Variants in ARFGEF2 observed in about 807,000 individuals in gnomAD.
ARFGEF2 encodes the protein brefeldin A-inhibited guanine nucleotide-exchange protein 2.
A neutral mutation model predicts 219.9 loss-of-function variants in ARFGEF2; 74 were observed. The ratio of observed to expected loss-of-function variants is 0.34; its 90% confidence interval spans 0.28 to 0.41. The LOEUF (loss-of-function observed/expected upper bound fraction) is 0.41, where lower values mean the gene tolerates loss of function less well. Ranked by LOEUF, ARFGEF2 falls within the 10% of genes least tolerant of loss-of-function variation. ARFGEF2 has a pLI of 1.00. For synonymous variants in ARFGEF2, 733 were observed against 799.2 expected (o/e 0.92, Z 1.40); for missense variants, 1,743 against 2,218.3 (o/e 0.79, Z 4.30).
chr20:49,021,429 C>T (rs992967910), intron 34 of ARFGEF2, among the ~76,000 whole-genome samples: 2 of 152,124 alleles, frequency 1.3e-5, no homozygotes, highest in Non-Finnish European at 2.9e-5. Context: ...CCAGTGAACA[C>T]TTATGATGTA....
intron 1 of ARFGEF2, among the ~76,000 whole-genome samples, chr20:48,934,422 G>C (rs968529483): frequency 6.6e-6 from 1 of 152,162 alleles, no homozygotes; most frequent in Non-Finnish European, 1.5e-5. Context: ...TGCCATGGTG[G>C]TTTGCTGCAC....
chr20:49,006,378 A>G (rs1395270424), intron 26 of ARFGEF2, among the ~76,000 whole-genome samples: 8 of 152,220 alleles, frequency 5.3e-5, no homozygotes, highest in Non-Finnish European at 1.2e-4. Flanking sequence ...TGATGGGCAT[A>G]CAGGAGTTCA....
chr20:48,946,490 TA>T (rs1287127870), intron 3 of ARFGEF2, among the ~76,000 whole-genome samples: 27 of 149,186 alleles, frequency 1.8e-4, no homozygotes, highest in African/African-American at 5.8e-4. Context: ...TATATATATA[TA>T]TATATTTTTA....
In ARFGEF2 at chr20:48,952,260, G is replaced by A. The variant is rs527942843; in HGVS notation, c.424-445G>A. 9.7e-5 allele frequency among the ~76,000 whole-genome samples: 14 copies of A among 144,460 alleles called. No individual in the cohort carries two copies. In the South Asian group the frequency reaches 3.1e-3, roughly 32 times the overall value. The allele number at this position is 144,460 out of a possible 152,430, so 94.8% of individuals were successfully genotyped here. ...AAACTCCACCTCACAGGTTCAAGCA[G>A]TTCTTGTTCCTCATCCTCCCGAGTA... On this transcript the variant is annotated intron_variant, in intron 4 of 38. Transcript: ENST00000371917.
chr20:48,941,543 A>G (rs1774706557), intron 2 of ARFGEF2, among the ~76,000 whole-genome samples: 1 of 152,194 alleles, frequency 6.6e-6, no homozygotes, highest in Non-Finnish European at 1.5e-5. Context: ...GCATGAGGAC[A>G]GCTTGCACCA....
chr20:49,006,150 C>T (rs941106997), intron 26 of ARFGEF2, among the ~76,000 whole-genome samples: 18 of 152,014 alleles, frequency 1.2e-4, no homozygotes, highest in African/African-American at 4.1e-4. Context: ...AAAAGTTAGC[C>T]GGGCGTGGTG....
intron 14 of ARFGEF2, among the ~76,000 whole-genome samples, chr20:48,980,048 T>C (rs568874893): frequency 6.6e-6 from 1 of 152,308 alleles, no homozygotes; most frequent in South Asian, 2.1e-4. Flanking sequence ...TGTTCTTGCT[T>C]CTCTAGTTCT....
In ARFGEF2 at chr20:49,025,323, T is replaced by C; in HGVS notation, c.4766T>C (p.Leu1589Pro). 1 of 1,611,634 alleles carries C rather than the reference T, an allele frequency of 6.2e-7. No homozygotes were observed. The highest frequency in any genetic ancestry group is 1.3e-5 in the African/African-American group (1 of 75,044). ...TGTCCTGTCCTCTAGCAAGACACGC[T>C]GGATGCAGATATCCACATAGAGACG... ...EHMVAAQQDT[L>P]DADIHIETED... The change falls in exon 36 of 39, where the codon CTG (leucine) becomes CCG (proline). Residue 1589 changes from leucine (L) to proline (P), a missense_variant. By Grantham distance (98) the Leu-to-Pro change is moderately conservative. Transcript: ENST00000371917.
chr20:49,005,039 C>A (rs749557783), intron 25 of ARFGEF2, 31 bp from the exon 26 acceptor site: 1 of 1,613,844 alleles, frequency 6.2e-7, no homozygotes, highest in East Asian at 2.2e-5. Flanking sequence ...TACACTATAC[C>A]TGTTTCACAT....
intron 22 of ARFGEF2, among the ~76,000 whole-genome samples, chr20:48,994,987 T>A (rs2091377836): frequency 6.6e-6 from 1 of 152,178 alleles, no homozygotes; most frequent in Admixed American, 6.5e-5. Flanking sequence ...ACAGTATTCT[T>A]ATGCAAGTAG....
chr20:49,005,169 C>T lies in ARFGEF2; in HGVS notation c.3532C>T (p.Arg1178Cys), dbSNP rs777348579. ...TGAGAAGGGTGAATTAGCCAACTTC[C>T]GTTTCCAGAAAGATTTTCTGAGGCC... ...FLEKGELANF[R>C]FQKDFLRPFE... Residue 1178 changes from arginine (R) to cysteine (C), a missense_variant, in exon 26 of 39, where the codon CGT becomes TGT. Physicochemically the swap from Arg to Cys is radical, Grantham distance 180. Coordinates refer to ENST00000371917, the MANE Select transcript of ARFGEF2 (RefSeq NM_006420.3). 4 of 1,614,064 alleles carry T rather than the reference C, an allele frequency of 2.5e-6. No individual in the cohort carries two copies. The highest frequency in any genetic ancestry group is 3.4e-6 in the Non-Finnish European group (4 of 1,180,048).
chr20:48,949,276 T>C (rs771630102), intron 3 of ARFGEF2, among the ~76,000 whole-genome samples: 1 of 152,238 alleles, frequency 6.6e-6, no homozygotes, highest in Non-Finnish European at 1.5e-5. Flanking sequence ...GTGGCATCAG[T>C]ATTGCAGCCT....
intron 28 of ARFGEF2, among the ~76,000 whole-genome samples, chr20:49,013,059 A>G (rs1047178991): frequency 1.3e-5 from 2 of 152,254 alleles, no homozygotes; most frequent in Non-Finnish European, 2.9e-5. Flanking sequence ...GCCTCAGTTA[A>G]TTCATCTATA....
At chr20:49,019,053 T>C (rs2091548284) in intron 34 of ARFGEF2, 55 bp downstream of exon 34, 2 of 1,421,410 alleles carry the variant, frequency 1.4e-6, no homozygotes, top group Non-Finnish European at 2.0e-6. Context: ...GTGATTCATA[T>C]ATTCAGAAGG....
intron 6 of ARFGEF2, among the ~76,000 whole-genome samples, chr20:48,959,409 TTCCCTCCCTCCC>T (rs1381891152): frequency 1.6e-5 from 1 of 63,460 alleles, no homozygotes; most frequent in African/African-American, 9.0e-5. Flanking sequence ...CCCTCCTTCC[TTCCCTCCCTCCC>T]TCCCTTCTTC....
chr20:49,032,281 C>G (rs2091640628), intron 38 of ARFGEF2, 115 bp downstream of exon 38: 8 of 790,560 alleles, frequency 1.0e-5, no homozygotes, highest in South Asian at 9.5e-5. Flanking sequence ...GGTTACGTGA[C>G]TAGCACCATT....
At chr20:48,944,315 T>G (rs942010409) in intron 3 of ARFGEF2, among the ~76,000 whole-genome samples, 2 of 152,178 alleles carry the variant, frequency 1.3e-5, no homozygotes, top group African/African-American at 4.8e-5. Context: ...ATAATGTAAT[T>G]GACGTTCTAA....
intron 7 of ARFGEF2, among the ~76,000 whole-genome samples, chr20:48,965,400 A>G (rs534968465): frequency 1.1e-4 from 17 of 152,218 alleles, no homozygotes; most frequent in Middle Eastern, 3.4e-3. Context: ...AATCTGTGTA[A>G]TTCTTTATTT....
intron 3 of ARFGEF2, among the ~76,000 whole-genome samples, chr20:48,945,977 A>G (rs564305590): frequency 6.6e-6 from 1 of 152,332 alleles, no homozygotes; most frequent in Admixed American, 6.5e-5. Flanking sequence ...AAAATGAGTC[A>G]TCCTTTTTAT....
Sources: allele counts gnomAD v4.1 joint callset (sites outside exome capture counted in the v4.1 genomes callset), GRCh38; gene constraint gnomAD v4.1.1; transcripts MANE v1.5; gene names NCBI Gene and HGNC (gene_info 2026-07-23, HGNC 2026-07-21).